The following TBC1D32 variants were observed in gnomAD, a reference collection of about 807,000 sequenced individuals.
TBC1D32 encodes the protein TBC1 domain family member 32.
Under a neutral mutation model 170.3 loss-of-function variants are expected in TBC1D32, and 151 were observed. The observed-to-expected ratio is 0.89, with a 90% CI of 0.78 to 1.01. TBC1D32 has a LOEUF of 1.01. Among genes scored for constraint, TBC1D32 ranks in the 50% least tolerant of loss-of-function variants. The pLI is 0.00. For missense variants in TBC1D32, 1,464 were observed against 1,457.1 expected (o/e 1.00, Z -0.08); for synonymous variants, 498 against 488.0 (o/e 1.02, Z -0.27).
intron 15 of TBC1D32, among the ~76,000 whole-genome samples, chr6:121,265,592 GA>G (rs71018121): frequency 0.65 from 96,586 of 148,570 alleles, 36,368 homozygotes; most frequent in Non-Finnish European, 0.84. Context: ...AACCAAAAAA[GA>G]AAAAAAAAAG....
intron 24 of TBC1D32, among the ~76,000 whole-genome samples, chr6:121,142,079 T>C (rs773619249): frequency 1.3e-5 from 2 of 152,272 alleles, no homozygotes; most frequent in Non-Finnish European, 2.9e-5. Flanking sequence ...CAAGCCTTTG[T>C]CATTAAATCT....
At chr6:121,171,103 C>G (rs1161509103) in intron 22 of TBC1D32, among the ~76,000 whole-genome samples, 2 of 151,634 alleles carry the variant, frequency 1.3e-5, no homozygotes, top group African/African-American at 4.8e-5. Flanking sequence ...GTACTCTTGC[C>G]CAGAAAACTG....
intron 17 of TBC1D32, among the ~76,000 whole-genome samples, chr6:121,253,525 T>C (rs922548035): frequency 3.3e-5 from 5 of 152,132 alleles, no homozygotes; most frequent in African/African-American, 9.7e-5. Context: ...AAGACCATCC[T>C]GGCTAACATG....
At chr6:121,236,420 G>A (rs529843623) in intron 20 of TBC1D32, among the ~76,000 whole-genome samples, 1 of 151,906 alleles carries the variant, frequency 6.6e-6, no homozygotes, top group African/African-American at 2.4e-5. Context: ...TGAAGGATGG[G>A]GACTAGAATG....
At chr6:121,245,230 G>A (rs1666220851) in intron 17 of TBC1D32, among the ~76,000 whole-genome samples, 1 of 152,216 alleles carries the variant, frequency 6.6e-6, no homozygotes, top group African/African-American at 2.4e-5. Context: ...ATCTACCAGA[G>A]CAGGTGCTGG....
At position 121,260,062 on chromosome 6, in the gene TBC1D32, T is replaced by TG. The variant is rs1799564261; in HGVS notation, c.1734-3778dup. On this transcript the variant is annotated intron_variant, in intron 15 of 31. Transcript: ENST00000398212. ...CAGCTAACAGTAAGAGGTTTCTCTA[T>TG]GGAATCCCTTAAGAACAAAGGAGAA... 2.0e-5 allele frequency among the ~76,000 whole-genome samples: 3 copies of TG among 152,262 alleles called. No individual in the cohort carries two copies. The South Asian group carries it at 6.2e-4, about 32-fold the overall frequency.
At chr6:121,223,163 C>T in intron 21 of TBC1D32, 73 bp downstream of exon 21, 1 of 985,046 alleles carries the variant, frequency 1.0e-6, no homozygotes, top group Non-Finnish European at 1.5e-6. Context: ...TCTTTTTGGT[C>T]AAATTACCTT....
chr6:121,145,892 T>A (rs553361602), intron 24 of TBC1D32, among the ~76,000 whole-genome samples: 1 of 152,254 alleles, frequency 6.6e-6, no homozygotes, highest in East Asian at 1.9e-4. Flanking sequence ...ATAAAGTTGA[T>A]GAAAAGTGAT....
chr6:121,220,838 A>C (rs975806799), intron 21 of TBC1D32, among the ~76,000 whole-genome samples: 3 of 151,788 alleles, frequency 2.0e-5, no homozygotes, highest in African/African-American at 7.3e-5. Flanking sequence ...ACGGGGTTTC[A>C]CCATGTTGGC....
intron 19 of TBC1D32, among the ~76,000 whole-genome samples, chr6:121,240,178 C>A (rs1292669156): frequency 6.6e-6 from 1 of 152,024 alleles, no homozygotes; most frequent in Non-Finnish European, 1.5e-5. Flanking sequence ...GAAAACTACA[C>A]TTACCCCTCT....
chr6:121,195,704 A>G (rs2128292751), intron 22 of TBC1D32, among the ~76,000 whole-genome samples: 1 of 152,190 alleles, frequency 6.6e-6, no homozygotes, highest in South Asian at 2.1e-4. Flanking sequence ...TGAGTTCCCT[A>G]TGATCAGTTG....
At chr6:121,112,714 A>T in intron 28 of TBC1D32, 55 bp from the exon 29 acceptor site, 1 of 1,340,026 alleles carries the variant, frequency 7.5e-7, no homozygotes, top group African/African-American at 1.5e-5. Flanking sequence ...AAATATTAAA[A>T]TTCTGTAAAT....
chr6:121,328,867 A>C (rs1481242124), intron 1 of TBC1D32, among the ~76,000 whole-genome samples: 1 of 152,226 alleles, frequency 6.6e-6, no homozygotes, highest in Non-Finnish European at 1.5e-5. Flanking sequence ...TAACCTTGTT[A>C]CTTTAGAAGT....
At chr6:121,256,638 C>A (rs1461712499) in intron 15 of TBC1D32, among the ~76,000 whole-genome samples, 2 of 151,984 alleles carry the variant, frequency 1.3e-5, no homozygotes, top group African/African-American at 4.8e-5. Context: ...ATCCCATTAA[C>A]AGGACTTAGT....
intron 15 of TBC1D32, among the ~76,000 whole-genome samples, chr6:121,261,023 G>A (rs528528369): frequency 6.6e-6 from 1 of 152,218 alleles, no homozygotes; most frequent in South Asian, 2.1e-4. Context: ...GGCAGATCTT[G>A]GCCAGATTGC....
chr6:121,321,766 G>A lies in TBC1D32; in HGVS notation c.184C>T (p.His62Tyr), dbSNP rs1249728359. The A allele has an allele frequency of 6.2e-7, 1 of 1,612,400 alleles. No homozygotes were observed. The highest frequency in any genetic ancestry group is 1.7e-5 in the Admixed American group (1 of 59,828). The change falls in exon 2 of 32, where the codon CAT becomes TAT. Residue 62 changes from histidine (H) to tyrosine (Y), a missense_variant. His to Tyr is a moderately conservative substitution (Grantham distance 83). Around this residue, in one of 3 missense-constraint regions of TBC1D32, gnomAD observed 1,363 missense variants for 1,338.1 expected, o/e 1.02. Coordinates refer to ENST00000398212, the MANE Select transcript of TBC1D32 (RefSeq NM_152730.6). The part of the protein sequence containing the change: ...NYEFVKYLRQ[H>Y]IGNTLGSMIE... ...ATAGAACCCAAAGTGTTGCCTATAT[G>A]CTGCCTGAGGTATTTCACAAATTCA...
chr6:121,245,819 A>G (rs937300366), intron 17 of TBC1D32, among the ~76,000 whole-genome samples: 1 of 152,112 alleles, frequency 6.6e-6, no homozygotes, highest in Non-Finnish European at 1.5e-5. Flanking sequence ...CCACAGATGA[A>G]AAGAGGTGTG....
At chr6:121,255,686 A>G (rs1251751932) in intron 16 of TBC1D32, among the ~76,000 whole-genome samples, 1 of 152,016 alleles carries the variant, frequency 6.6e-6, no homozygotes, top group African/African-American at 2.4e-5. Flanking sequence ...AATGGGGGGA[A>G]AAGACTTAGT....
intron 31 of TBC1D32, among the ~76,000 whole-genome samples, chr6:121,085,236 C>CGT (rs1333098361): frequency 0.012 from 1,663 of 142,502 alleles, 10 homozygotes; most frequent in South Asian, 0.041. Context: ...TATATATACA[C>CGT]ATATACATAC....
Sources: gnomAD v4.1 joint callset for allele counts (sites outside exome capture counted in the v4.1 genomes callset) on GRCh38, gnomAD v4.1.1 for gene constraint, gnomAD v4.1.1 regional missense constraint, MANE v1.5 for transcripts, NCBI Gene and HGNC (gene_info 2026-07-23, HGNC 2026-07-21) for gene names.